Variants in STUM observed in about 807,000 individuals in gnomAD.
The protein encoded by STUM is stum, mechanosensory transduction mediator homolog.
A neutral mutation model predicts 15.3 loss-of-function variants in STUM; 8 were observed. That is an observed-to-expected ratio of 0.52 (90% CI 0.31 to 0.94). The LOEUF is 0.94. Among genes scored for constraint, STUM ranks in the 40% least tolerant of loss-of-function variants. The pLI is 0.05. For missense variants in STUM, 142 were observed against 204.9 expected (o/e 0.69, Z 1.87); for synonymous variants, 78 against 88.7 (o/e 0.88, Z 0.68).
In STUM at chr1:226,607,920, G is replaced by C. The variant is rs1048308035; in HGVS notation, c.*5880G>C. On this transcript the variant is annotated 3_prime_UTR_variant, in exon 4 of 4. Coordinates refer to ENST00000366788, the MANE Select transcript of STUM (RefSeq NM_001003665.4). The stretch of plus-strand genomic sequence containing the variant: ...GGGGATGCAGGCCAGGGTCTGCCTG[G>C]AGCCTCAGGGTTGGGACTTATCTCC... 6.6e-6 allele frequency: 1 copy of C among 152,290 alleles called. No individual in the cohort carries two copies. Among genetic ancestry groups the C allele is most frequent in the Non-Finnish European group, 1.5e-5 (1 of 68,102 alleles). 9.4% of individuals were successfully genotyped at this position (152,290 alleles called of 1,614,324 possible). A position where few individuals can be genotyped will look rare whatever the true frequency, so the allele number is the denominator to read the frequency against.
At chr1:226,573,385 A>C (rs1483881244) in intron 1 of STUM, among the ~76,000 whole-genome samples, 1 of 152,232 alleles carries the variant, frequency 6.6e-6, no homozygotes, top group African/African-American at 2.4e-5. Flanking sequence ...AACCAACTCA[A>C]GCTGGTTTAA....
At chr1:226,577,499 T>TCACACA (rs60225649) in intron 1 of STUM, among the ~76,000 whole-genome samples, 2,509 of 150,922 alleles carry the variant, frequency 0.017, 50 homozygotes, top group African/African-American at 0.056. Context: ...AAACAGTTTC[T>TCACACA]CACACACACA....
At chr1:226,561,230 A>G (rs1667536892) in intron 1 of STUM, among the ~76,000 whole-genome samples, 1 of 152,118 alleles carries the variant, frequency 6.6e-6, no homozygotes, top group Non-Finnish European at 1.5e-5. Flanking sequence ...TGCTTTACTT[A>G]TCTTCTATTT....
intron 1 of STUM, among the ~76,000 whole-genome samples, chr1:226,569,343 C>T (rs1667670021): frequency 6.6e-6 from 1 of 152,226 alleles, no homozygotes; most frequent in Non-Finnish European, 1.5e-5. Flanking sequence ...CCCTCCCATT[C>T]CAGCTGTGAG....
intron 1 of STUM, among the ~76,000 whole-genome samples, chr1:226,554,489 TGGGA>T (rs1334941032): frequency 6.6e-6 from 1 of 152,212 alleles, no homozygotes; most frequent in African/African-American, 2.4e-5. Context: ...GTTGATGTGT[TGGGA>T]CAGTGGGATG....
At chr1:226,561,080 G>A (rs1401851348) in intron 1 of STUM, among the ~76,000 whole-genome samples, 1 of 152,084 alleles carries the variant, frequency 6.6e-6, no homozygotes, top group Non-Finnish European at 1.5e-5. Context: ...AGCCTTTCCT[G>A]ACCATGCCAG....
At chr1:226,592,222 A>G (rs1259312987) in intron 1 of STUM, among the ~76,000 whole-genome samples, 2 of 152,024 alleles carry the variant, frequency 1.3e-5, no homozygotes, top group East Asian at 1.9e-4. Flanking sequence ...TAATTTTTGT[A>G]TTTTTGGTAG....
chr1:226,566,335 T>G (rs1667625522), intron 1 of STUM, among the ~76,000 whole-genome samples: 1 of 152,254 alleles, frequency 6.6e-6, no homozygotes, highest in Non-Finnish European at 1.5e-5. Flanking sequence ...ATAAAGGTTC[T>G]AGTAGGGTTC....
intron 1 of STUM, among the ~76,000 whole-genome samples, chr1:226,564,566 T>C (rs1406311481): frequency 6.6e-6 from 1 of 152,246 alleles, no homozygotes; most frequent in Non-Finnish European, 1.5e-5. Context: ...ACCAGGCATC[T>C]ACTCTTGGAT....
intron 1 of STUM, among the ~76,000 whole-genome samples, chr1:226,568,749 G>A (rs1010711049): frequency 6.6e-6 from 1 of 152,256 alleles, no homozygotes; most frequent in South Asian, 2.1e-4. Flanking sequence ...GGAGGCCCAA[G>A]GCATGAAATG....
Position 226,602,263 on chromosome 1 carries a change from G to C in STUM, c.*223G>C. On this transcript the variant is annotated 3_prime_UTR_variant, in exon 4 of 4. Transcript: ENST00000366788. ...TGCTCTGGAAAGCACTGTGGGCGCAGGCACCAGAGCATCAGAGAGTGGGGT... is the reference window on the plus strand; with the variant it reads ...TGCTCTGGAAAGCACTGTGGGCGCACGCACCAGAGCATCAGAGAGTGGGGT... The C allele has an allele frequency of 1.8e-6, 1 of 563,460 alleles. No homozygotes were observed. Among genetic ancestry groups the C allele is most frequent in the African/African-American group, 1.9e-5 (1 of 53,256 alleles). 34.9% of individuals were successfully genotyped at this position (563,460 alleles called of 1,614,324 possible). A position where few individuals can be genotyped will look rare whatever the true frequency, so the allele number is the denominator to read the frequency against.
At chr1:226,599,165 G>T (rs935671821) in intron 2 of STUM, among the ~76,000 whole-genome samples, 1 of 152,164 alleles carries the variant, frequency 6.6e-6, no homozygotes, top group Non-Finnish European at 1.5e-5. Context: ...GGAATTGTGG[G>T]AGTTACAATT....
chr1:226,586,799 A>G (rs1470589491), intron 1 of STUM, among the ~76,000 whole-genome samples: 2 of 152,044 alleles, frequency 1.3e-5, no homozygotes, highest in Non-Finnish European at 1.5e-5. Flanking sequence ...GCCCTCACCC[A>G]TCTTTCCACC....
At chr1:226,577,405 A>T (rs1667834774) in intron 1 of STUM, among the ~76,000 whole-genome samples, 1 of 152,144 alleles carries the variant, frequency 6.6e-6, no homozygotes, top group Non-Finnish European at 1.5e-5. Context: ...GACCATGGAG[A>T]AGACCAGGAA....
At chr1:226,601,543 C>T (rs937967982) in intron 3 of STUM, among the ~76,000 whole-genome samples, 7 of 152,192 alleles carry the variant, frequency 4.6e-5, no homozygotes, top group African/African-American at 1.7e-4. Context: ...CTGCCGTAAC[C>T]GTCCAGCAGG....
At chr1:226,558,475 C>T (rs897372273) in intron 1 of STUM, among the ~76,000 whole-genome samples, 3 of 152,132 alleles carry the variant, frequency 2.0e-5, no homozygotes, top group Non-Finnish European at 4.4e-5. Context: ...ACTGGGCACC[C>T]AACCAGACCT....
chr1:226,598,271 C>T (rs970109666), intron 2 of STUM, among the ~76,000 whole-genome samples: 2 of 152,294 alleles, frequency 1.3e-5, no homozygotes, highest in East Asian at 1.9e-4. Context: ...AGGCTCCTGA[C>T]CCTGTTCCCA....
chr1:226,579,553 C>T (rs1294187610), intron 1 of STUM, among the ~76,000 whole-genome samples: 3 of 152,032 alleles, frequency 2.0e-5, no homozygotes, highest in Admixed American at 1.3e-4. Context: ...GCCGTGGAGG[C>T]CTCCCCAGGA....
chr1:226,574,626 G>A (rs1667773134), intron 1 of STUM, among the ~76,000 whole-genome samples: 1 of 152,230 alleles, frequency 6.6e-6, no homozygotes, highest in South Asian at 2.1e-4. Context: ...CTGAGCATGG[G>A]GGAGACGAGG....
Sources: allele counts gnomAD v4.1 joint callset (sites outside exome capture counted in the v4.1 genomes callset), GRCh38; gene constraint gnomAD v4.1.1; transcripts MANE v1.5; gene names NCBI Gene and HGNC (gene_info 2026-07-23, HGNC 2026-07-21).